GLI2: variants seen among roughly 807,000 people sequenced by gnomAD.
GLI2 encodes the protein transcription activator GLI2.
In GLI2, 22 loss-of-function variants were observed where a neutral mutation model predicts 78.9. The ratio of observed to expected loss-of-function variants is 0.28; its 90% confidence interval spans 0.20 to 0.40. The LOEUF (loss-of-function observed/expected upper bound fraction) is 0.40. Ranked by LOEUF, GLI2 falls within the 10% of genes least tolerant of loss-of-function variation. The pLI, the probability that GLI2 is intolerant of heterozygous loss-of-function variation, is 1.00. For missense variants in GLI2, 2,097 were observed against 2,213.2 expected, an observed-to-expected ratio of 0.95 and a Z score of 1.05; for synonymous variants, 974 against 963.7, an observed-to-expected ratio of 1.01 and a Z score of -0.20.
chr2:120,919,834 T>C (rs1679280691), intron 2 of GLI2, among the ~76,000 whole-genome samples: 1 of 27,812 alleles, frequency 3.6e-5, no homozygotes, highest in African/African-American at 1.0e-4. Flanking sequence ...TCCTACATGG[T>C]GACCCTGGAG....
chr2:120,888,361 C>T (rs1677516249), intron 2 of GLI2, among the ~76,000 whole-genome samples: 1 of 152,208 alleles, frequency 6.6e-6, no homozygotes, highest in African/African-American at 2.4e-5. Context: ...CTGTTGACTC[C>T]ATGAGTTCTC....
At chr2:120,787,747 A>G (rs1022349271) in intron 1 of GLI2, among the ~76,000 whole-genome samples, 1 of 152,180 alleles carries the variant, frequency 6.6e-6, no homozygotes, top group Non-Finnish European at 1.5e-5. Flanking sequence ...GCACGTCCCA[A>G]CCCTCTGCTG....
chr2:120,918,290 T>C (rs1024312109), intron 2 of GLI2, among the ~76,000 whole-genome samples: 13 of 152,180 alleles, frequency 8.5e-5, no homozygotes, highest in African/African-American at 2.9e-4. Context: ...AGTTTCTATC[T>C]GATACATCTC....
At chr2:120,793,048 G>A (rs1684222727) in intron 1 of GLI2, among the ~76,000 whole-genome samples, 1 of 152,198 alleles carries the variant, frequency 6.6e-6, no homozygotes, top group Non-Finnish European at 1.5e-5. Flanking sequence ...GCCACCCCCT[G>A]CCTAGACTTG....
At chr2:120,962,635 C>G (rs1267980110) in intron 5 of GLI2, among the ~76,000 whole-genome samples, 1 of 152,192 alleles carries the variant, frequency 6.6e-6, no homozygotes, top group African/African-American at 2.4e-5. Flanking sequence ...GATGAATACT[C>G]CATGTTCCCG....
At chr2:120,937,591 C>A (rs1420228105) in intron 3 of GLI2, among the ~76,000 whole-genome samples, 1 of 152,220 alleles carries the variant, frequency 6.6e-6, no homozygotes, top group African/African-American at 2.4e-5. Flanking sequence ...AGCCTTTCCC[C>A]AACCCCACCC....
chr2:120,826,923 C>T (rs1389698012), intron 2 of GLI2, among the ~76,000 whole-genome samples: 2 of 152,184 alleles, frequency 1.3e-5, no homozygotes, highest in Non-Finnish European at 2.9e-5. Flanking sequence ...TCCCAGCCTG[C>T]CACATCTCCC....
intron 1 of GLI2, among the ~76,000 whole-genome samples, chr2:120,760,982 C>G (rs1380550214): frequency 6.6e-6 from 1 of 152,166 alleles, no homozygotes; most frequent in African/African-American, 2.4e-5. Context: ...ACAGGAAAAG[C>G]AGGGTGGGAA....
At chr2:120,783,267 C>G (rs997779866) in intron 1 of GLI2, among the ~76,000 whole-genome samples, 4 of 152,136 alleles carry the variant, frequency 2.6e-5, no homozygotes, top group Non-Finnish European at 4.4e-5. Flanking sequence ...TCTAGGAAGT[C>G]TCATGTGGCA....
At chr2:120,842,071 A>C (rs551641564) in intron 2 of GLI2, among the ~76,000 whole-genome samples, 35 of 151,540 alleles carry the variant, frequency 2.3e-4, no homozygotes, top group Non-Finnish European at 4.3e-4. Flanking sequence ...AAAAAAAAAA[A>C]AAAAAACAGA....
chr2:120,825,464 CTG>C (rs1333581640), intron 2 of GLI2, among the ~76,000 whole-genome samples: 1 of 138,692 alleles, frequency 7.2e-6, no homozygotes, highest in Non-Finnish European at 1.5e-5. Flanking sequence ...GTGCTCCTGG[CTG>C]TGAGTGTGCA....
intron 1 of GLI2, among the ~76,000 whole-genome samples, chr2:120,746,528 CT>C (rs964449430): frequency 2.0e-5 from 3 of 152,184 alleles, no homozygotes; most frequent in Admixed American, 6.5e-5. Context: ...GCCTATCCCT[CT>C]TTCTTCTGCT....
chr2:120,758,493 T>C (rs1310345583), intron 1 of GLI2, among the ~76,000 whole-genome samples: 4 of 152,274 alleles, frequency 2.6e-5, no homozygotes, highest in African/African-American at 9.6e-5. Flanking sequence ...CCCTCTCTTG[T>C]GAGGGAGTGC....
chr2:120,858,778 G>C (rs1416717896), intron 2 of GLI2, among the ~76,000 whole-genome samples: 1 of 151,916 alleles, frequency 6.6e-6, no homozygotes, highest in Non-Finnish European at 1.5e-5. Flanking sequence ...TGCAGTGCTG[G>C]GGGGCACAGG....
chr2:120,889,920 T>C (rs1234118323), intron 2 of GLI2, among the ~76,000 whole-genome samples: 1 of 152,216 alleles, frequency 6.6e-6, no homozygotes, highest in Non-Finnish European at 1.5e-5. Context: ...ATTATAAAGG[T>C]AAACATACTG....
chr2:120,959,432 A>G (rs757021507), intron 5 of GLI2, among the ~76,000 whole-genome samples: 15 of 152,172 alleles, frequency 9.9e-5, no homozygotes, highest in Non-Finnish European at 1.9e-4. Context: ...GTCAGTTACA[A>G]TCCAAGAAAA....
chr2:120,777,373 G>C (rs1683712559), intron 1 of GLI2, among the ~76,000 whole-genome samples: 1 of 152,056 alleles, frequency 6.6e-6, no homozygotes. Flanking sequence ...GGTGAGGCGT[G>C]TCTGAACGAG....
At chr2:120,867,663 G>A (rs1374438537) in intron 2 of GLI2, among the ~76,000 whole-genome samples, 3 of 152,228 alleles carry the variant, frequency 2.0e-5, no homozygotes. Context: ...TGATGAGGCC[G>A]CTCTTGTGTG....
intron 4 of GLI2, among the ~76,000 whole-genome samples, chr2:120,952,509 C>T (rs977715909): frequency 1.3e-5 from 2 of 152,222 alleles, no homozygotes; most frequent in Non-Finnish European, 2.9e-5. Context: ...AGGAGGCATC[C>T]AGTTTTCAAA....
Sources: gnomAD v4.1 joint callset for allele counts (sites outside exome capture counted in the v4.1 genomes callset) on GRCh38, gnomAD v4.1.1 for gene constraint, MANE v1.5 for transcripts, NCBI Gene and HGNC (gene_info 2026-07-23, HGNC 2026-07-21) for gene names.